Variants in FRYL observed in about 807,000 individuals in gnomAD.
The protein encoded by FRYL is FRY like transcription coactivator.
Under a neutral mutation model 351.2 loss-of-function variants are expected in FRYL, and 150 were observed. The ratio of observed to expected loss-of-function variants is 0.43; its 90% confidence interval spans 0.37 to 0.49. The LOEUF (loss-of-function observed/expected upper bound fraction) is 0.49, where lower values mean the gene tolerates loss of function less well. Ranked by LOEUF, FRYL falls within the 20% of genes least tolerant of loss-of-function variation. FRYL has a pLI of 0.00. For missense variants in FRYL, 3,036 were observed against 3,619.3 expected, an observed-to-expected ratio of 0.84 and a Z score of 4.13; for synonymous variants, 1,153 against 1,257.1, an observed-to-expected ratio of 0.92 and a Z score of 1.75.
chr4:48,522,478 C>A (rs1472082677), intron 54 of FRYL, among the ~76,000 whole-genome samples: 6 of 152,342 alleles, frequency 3.9e-5, no homozygotes, highest in Admixed American at 6.5e-5. Context: ...TAACAGGCTA[C>A]TCTTGCAGCT....
intron 3 of FRYL, among the ~76,000 whole-genome samples, chr4:48,645,154 A>ATATATATATATATATATATATCTATC (rs1373290711): frequency 1.6e-5 from 2 of 122,938 alleles, no homozygotes; most frequent in Admixed American, 8.8e-5. Flanking sequence ...ATATATATAT[A>ATATATATATATATATATATATCTATC]TCAGACTGGC....
In FRYL at chr4:48,499,475, G is replaced by C. The variant is rs1719060140; in HGVS notation, c.8989C>G (p.Gln2997Glu). Residue 2997 changes from glutamine (Q) to glutamate (E), a missense_variant, in exon 64 of 64, where the codon CAA becomes GAA. By Grantham distance (29) the Gln-to-Glu change is conservative (BLOSUM62 2). Transcript: ENST00000358350. ...ATTGGTTTGGCCTGTGCTAGAAGTT[G>C]GTATGATTGCACCATGCGTAGAGAC... ...RESLRMVQSY[Q>E]LLAQAKPMGN... 1 of 1,613,608 alleles carries C rather than the reference G, an allele frequency of 6.2e-7. No homozygotes were observed. Among genetic ancestry groups the C allele is most frequent in the Non-Finnish European group, 8.5e-7 (1 of 1,179,686 alleles).
intron 4 of FRYL, among the ~76,000 whole-genome samples, chr4:48,626,488 C>T (rs1517676): frequency 0.98 from 149,680 of 152,146 alleles, 73,663 homozygotes; most frequent in East Asian, 1. Context: ...CAAACCATTA[C>T]AATTAGTTTA....
chr4:48,668,078 G>GT (rs1041534462), intron 3 of FRYL, among the ~76,000 whole-genome samples: 2 of 152,074 alleles, frequency 1.3e-5, no homozygotes, highest in Admixed American at 6.5e-5. Context: ...CCCAACAGCT[G>GT]TTTTTTTAAA....
chr4:48,556,851 G>T, intron 35 of FRYL, 127 bp downstream of exon 35: 1 of 692,248 alleles, frequency 1.4e-6, no homozygotes, highest in Non-Finnish European at 2.3e-6. Context: ...GCTATTTCCT[G>T]ACTGTCTTCA....
rs1448919134 is a variant in FRYL at position 48,551,662 on chromosome 4, T to A, written c.4436-84A>T. 20 of 819,174 alleles carry A rather than the reference T, an allele frequency of 2.4e-5. No homozygotes were observed. In the East Asian group the frequency reaches 4.6e-4, roughly 19 times the overall value. 50.7% of individuals were successfully genotyped at this position (819,174 alleles called of 1,614,324 possible). A position where few individuals can be genotyped will look rare whatever the true frequency, so the allele number is the denominator to read the frequency against. ...AACAAAAGATCTCAAATTATAGATA[T>A]CAAAACTTAACTAAAATGAGAGCAA... is the stretch of plus-strand genomic sequence containing the variant. On this transcript the variant is annotated intron_variant, in intron 36 of 63. Transcript: ENST00000358350.
chr4:48,775,425 T>C (rs1373937034), intron 1 of FRYL, among the ~76,000 whole-genome samples: 2 of 152,192 alleles, frequency 1.3e-5, no homozygotes, highest in Admixed American at 6.5e-5. Context: ...GTCTGCTAAA[T>C]GAAAGATTTT....
intron 35 of FRYL, 147 bp downstream of exon 35, chr4:48,556,830 TA>T (rs1187263330): frequency 6.8e-6 from 4 of 585,176 alleles, no homozygotes; most frequent in Non-Finnish European, 1.2e-5. Flanking sequence ...AATCAGTGAA[TA>T]AATCCATGTG....
At chr4:48,641,897 C>T (rs1755405771) in intron 3 of FRYL, among the ~76,000 whole-genome samples, 1 of 152,072 alleles carries the variant, frequency 6.6e-6, no homozygotes, top group African/African-American at 2.4e-5. Flanking sequence ...AACTACTTAC[C>T]TATATTTTAA....
intron 1 of FRYL, among the ~76,000 whole-genome samples, chr4:48,724,366 A>G (rs1769842111): frequency 6.6e-6 from 1 of 152,076 alleles, no homozygotes; most frequent in Non-Finnish European, 1.5e-5. Context: ...CTCTGCCTGG[A>G]AAGCTTTTCC....
intron 50 of FRYL, 138 bp from the exon 51 acceptor site, chr4:48,528,474 A>T (rs1277026713): frequency 1.6e-5 from 8 of 495,348 alleles, no homozygotes; most frequent in Non-Finnish European, 2.7e-5. Flanking sequence ...CATGAGGCAG[A>T]TGTTAACAAA....
At chr4:48,503,383 C>G (rs1189014378) in intron 60 of FRYL, among the ~76,000 whole-genome samples, 1 of 152,132 alleles carries the variant, frequency 6.6e-6, no homozygotes, top group Admixed American at 6.6e-5. Flanking sequence ...TCCTACTTTG[C>G]CATAACTGGT....
intron 16 of FRYL, among the ~76,000 whole-genome samples, chr4:48,593,722 G>C (rs1744018662): frequency 6.6e-6 from 1 of 151,980 alleles, no homozygotes; most frequent in South Asian, 2.1e-4. Context: ...TGGGCAACAA[G>C]AGCAAAACTC....
At chr4:48,566,139 C>G (rs1191834172) in intron 28 of FRYL, among the ~76,000 whole-genome samples, 4 of 151,984 alleles carry the variant, frequency 2.6e-5, no homozygotes, top group Non-Finnish European at 5.9e-5. Context: ...AGCAGGAAAG[C>G]TGCCTTTTCC....
At position 48,561,502 on chromosome 4, in the gene FRYL, C is replaced by G; in HGVS notation, c.3831G>C (p.Arg1277Ser). ...TGGCGAGAGTTAGCTCAGGATACGC[C>G]CTTGCTAGTTCCTCGGACAACTGAT... ...SYYQLSEELA[R>S]AYPELTLAIF... The change falls in exon 33 of 64, where the codon AGG becomes AGC. Residue 1277 changes from arginine (R) to serine (S), a missense_variant. Physicochemically the swap from Arg to Ser is moderately radical, Grantham distance 110. Transcript: ENST00000358350. The G allele has an allele frequency of 6.2e-7, 1 of 1,610,404 alleles. No homozygotes were observed. The highest frequency in any genetic ancestry group is 8.5e-7 in the Non-Finnish European group (1 of 1,177,810).
intron 8 of FRYL, among the ~76,000 whole-genome samples, chr4:48,609,362 A>G (rs896004351): frequency 2.0e-5 from 3 of 152,138 alleles, no homozygotes; most frequent in African/African-American, 7.2e-5. Flanking sequence ...GCTCACACCT[A>G]TAATCCCAGC....
rs1024445680 is a variant in FRYL, at chr4:48,498,033, A to C, written c.*1389T>G. The C allele has an allele frequency of 1.3e-5, 2 of 152,284 alleles. No individual in the cohort carries two copies. The highest frequency in any genetic ancestry group is 4.8e-5 in the African/African-American group (2 of 41,386). The allele number at this position is 152,284 out of a possible 1,614,324, so 9.4% of individuals were successfully genotyped here. ...ATAAGAGATGTATATAAAAAATACA[A>C]GGTGTTTCTTTCAAATCAGGAGTTG... On this transcript the variant is annotated 3_prime_UTR_variant, in exon 64 of 64. Transcript: ENST00000358350.
intron 3 of FRYL, among the ~76,000 whole-genome samples, chr4:48,672,140 A>AT (rs1170231089): frequency 2.0e-5 from 3 of 152,190 alleles, no homozygotes; most frequent in Non-Finnish European, 4.4e-5. Flanking sequence ...TTTGTTGACA[A>AT]TTTTTTATAA....
chr4:48,537,960 T>G (rs1342216149), intron 47 of FRYL, among the ~76,000 whole-genome samples: 3 of 152,206 alleles, frequency 2.0e-5, no homozygotes, highest in African/African-American at 7.2e-5. Flanking sequence ...CCCCTTATAT[T>G]TGCTTTCCAA....
Sources: allele counts gnomAD v4.1 joint callset (sites outside exome capture counted in the v4.1 genomes callset), GRCh38; gene constraint gnomAD v4.1.1; transcripts MANE v1.5; gene names NCBI Gene and HGNC (gene_info 2026-07-23, HGNC 2026-07-21).